The following SLC35F3 variants were observed in gnomAD, a reference collection of about 807,000 sequenced individuals.
SLC35F3 encodes solute carrier family 35 member F3, also known as putative thiamine transporter SLC35F3.
A neutral mutation model predicts 49.9 loss-of-function variants in SLC35F3; 25 were observed. The ratio of observed to expected loss-of-function variants is 0.50; its 90% CI spans 0.37 to 0.70. The LOEUF is 0.70. SLC35F3 is among the 30% of genes least tolerant of loss of function. The probability of loss-of-function intolerance (pLI) is 0.00; values close to 1 mark genes in which losing one functional copy is unlikely to be tolerated. For missense variants in SLC35F3, 525 were observed against 639.8 expected, an observed-to-expected ratio of 0.82 and a Z score of 1.94; for synonymous variants, 275 against 265.4, an observed-to-expected ratio of 1.04 and a Z score of -0.35.
chr1:234,040,968 T>C (rs554535855), intron 2 of SLC35F3, among the ~76,000 whole-genome samples: 22 of 152,210 alleles, frequency 1.4e-4, no homozygotes, highest in Middle Eastern at 3.4e-3. Context: ...TGCAGGAGAG[T>C]TGGCTGAACG....
At chr1:234,273,446 A>G (rs758679902) in intron 3 of SLC35F3, among the ~76,000 whole-genome samples, 4 of 152,108 alleles carry the variant, frequency 2.6e-5, no homozygotes, top group Non-Finnish European at 5.9e-5. Flanking sequence ...CTGCCCCCCT[A>G]TCTGGAGTAG....
At chr1:234,243,906 CA>C (rs1472508427) in intron 3 of SLC35F3, among the ~76,000 whole-genome samples, 1 of 152,248 alleles carries the variant, frequency 6.6e-6, no homozygotes, top group Non-Finnish European at 1.5e-5. Flanking sequence ...AGCAGATGGG[CA>C]TTTTCCTCCA....
At chr1:234,063,531 G>A (rs1345185265) in intron 2 of SLC35F3, among the ~76,000 whole-genome samples, 3 of 152,084 alleles carry the variant, frequency 2.0e-5, no homozygotes, top group Admixed American at 1.3e-4. Context: ...CAATAAGCTT[G>A]TTTATGGAGG....
At chr1:233,958,925 A>G (rs1662748991) in intron 2 of SLC35F3, among the ~76,000 whole-genome samples, 1 of 152,190 alleles carries the variant, frequency 6.6e-6, no homozygotes, top group Non-Finnish European at 1.5e-5. Context: ...AGAAAATAGA[A>G]AAACATTTCC....
intron 3 of SLC35F3, among the ~76,000 whole-genome samples, chr1:234,242,951 A>G (rs1298304663): frequency 6.6e-6 from 1 of 152,232 alleles, no homozygotes; most frequent in African/African-American, 2.4e-5. Context: ...TGTCAAAGAA[A>G]GACTTTAAGT....
intron 2 of SLC35F3, among the ~76,000 whole-genome samples, chr1:234,220,931 T>C (rs562288083): frequency 6.6e-6 from 1 of 152,054 alleles, no homozygotes; most frequent in Admixed American, 6.5e-5. Context: ...AAAGAGGTGG[T>C]GAAGCCTGAG....
chr1:233,943,305 AG>A (rs1439591107), intron 2 of SLC35F3, among the ~76,000 whole-genome samples: 1 of 152,246 alleles, frequency 6.6e-6, no homozygotes, highest in Non-Finnish European at 1.5e-5. Flanking sequence ...AATTTTCTGC[AG>A]GGAAAGTGGT....
intron 2 of SLC35F3, among the ~76,000 whole-genome samples, chr1:234,035,337 T>C (rs949264244): frequency 6.6e-6 from 1 of 152,172 alleles, no homozygotes; most frequent in Non-Finnish European, 1.5e-5. Context: ...ACATCCAAAA[T>C]TGTTATTGAG....
chr1:233,904,865 G>A lies in SLC35F3; in HGVS notation c.-213G>A, dbSNP rs1661742908. The stretch of plus-strand genomic sequence containing the variant: ...CGGGCCGGCCTGGAGTCACCGGGCT[G>A]AACCGCCGCGCCTGCATCGTGCCGC... On this transcript the variant is annotated 5_prime_UTR_variant, in exon 1 of 8. Transcript: ENST00000366618. 3.4e-6 allele frequency: 1 copy of A among 298,210 alleles called. No homozygotes were observed. Among genetic ancestry groups the A allele is most frequent in the African/African-American group, 2.2e-5 (1 of 44,700 alleles). The allele number at this position is 298,210 out of a possible 1,614,324, so 18.5% of individuals were successfully genotyped here.
chr1:234,148,067 A>G (rs1351812578), intron 2 of SLC35F3, among the ~76,000 whole-genome samples: 1 of 152,218 alleles, frequency 6.6e-6, no homozygotes, highest in Non-Finnish European at 1.5e-5. Context: ...GGAGGGGCTG[A>G]TCAGCACTCA....
chr1:234,226,861 A>C (rs1382948148), intron 2 of SLC35F3, among the ~76,000 whole-genome samples: 1 of 152,156 alleles, frequency 6.6e-6, no homozygotes, highest in Non-Finnish European at 1.5e-5. Context: ...CAGGGCTAAA[A>C]TGGAAGCTCA....
At chr1:234,060,603 T>C (rs1425196331) in intron 2 of SLC35F3, among the ~76,000 whole-genome samples, 1 of 152,088 alleles carries the variant, frequency 6.6e-6, no homozygotes, top group African/African-American at 2.4e-5. Context: ...CATGCCACCA[T>C]GCCTGGCTAA....
chr1:234,060,652 A>T (rs977002262), intron 2 of SLC35F3, among the ~76,000 whole-genome samples: 1 of 152,078 alleles, frequency 6.6e-6, no homozygotes, highest in Non-Finnish European at 1.5e-5. Context: ...GGGTTTTACC[A>T]TGTTGCCCAG....
intron 2 of SLC35F3, among the ~76,000 whole-genome samples, chr1:234,197,259 G>A (rs746531975): frequency 3.9e-4 from 60 of 152,268 alleles, no homozygotes; most frequent in Non-Finnish European, 2.4e-4. Context: ...GGTGTTGCTG[G>A]AACAAACAGT....
intron 2 of SLC35F3, among the ~76,000 whole-genome samples, chr1:234,114,602 CTT>C (rs1028195420): frequency 6.6e-6 from 1 of 152,116 alleles, no homozygotes; most frequent in Admixed American, 6.5e-5. Context: ...AAAAGAATGT[CTT>C]TGTTTGCTGA....
intron 2 of SLC35F3, among the ~76,000 whole-genome samples, chr1:234,128,289 T>C (rs973028082): frequency 3.3e-5 from 5 of 152,156 alleles, no homozygotes; most frequent in African/African-American, 1.2e-4. Context: ...AGCAGGGCCA[T>C]GTTTTACCCT....
At chr1:233,999,792 T>C (rs1663522651) in intron 2 of SLC35F3, among the ~76,000 whole-genome samples, 1 of 152,176 alleles carries the variant, frequency 6.6e-6, no homozygotes, top group Admixed American at 6.5e-5. Flanking sequence ...TAATTTCCTT[T>C]CTAGACTTTA....
At chr1:234,250,018 C>G (rs1667710718) in intron 3 of SLC35F3, among the ~76,000 whole-genome samples, 1 of 152,076 alleles carries the variant, frequency 6.6e-6, no homozygotes. Flanking sequence ...CATATTTTAC[C>G]AAACTAGGAA....
intron 3 of SLC35F3, among the ~76,000 whole-genome samples, chr1:234,295,095 G>A (rs189353163): frequency 5.9e-5 from 9 of 152,336 alleles, no homozygotes; most frequent in South Asian, 2.1e-4. Context: ...TCAGTGCCTC[G>A]CTGTCCCAGC....
Sources: allele counts gnomAD v4.1 joint callset (sites outside exome capture counted in the v4.1 genomes callset), GRCh38; gene constraint gnomAD v4.1.1; transcripts MANE v1.5; gene names NCBI Gene and HGNC (gene_info 2026-07-23, HGNC 2026-07-21).